SENP8: variants seen among roughly 807,000 people sequenced by gnomAD.
SENP8 encodes sentrin-specific protease 8.
In SENP8, 10 loss-of-function variants were observed where a neutral mutation model predicts 14.4. The ratio of observed to expected loss-of-function variants is 0.69; its 90% CI spans 0.43 to 1.18. SENP8 has a LOEUF of 1.18. SENP8 is among the 50% of genes most tolerant of loss of function. SENP8 has a pLI of 0.00. For missense variants in SENP8, 202 were observed against 249.4 expected, an observed-to-expected ratio of 0.81 and a Z score of 1.28; for synonymous variants, 94 against 95.5, an observed-to-expected ratio of 0.98 and a Z score of 0.09.
Position 72,139,671 on chromosome 15 carries a change from A to G in SENP8, c.48A>G (p.Ser16=). ...LSYMDSLLRQ[S]DVSLLDPPSW... is the part of the protein sequence containing the mutation. ...ACATGGACAGTCTACTGCGGCAATC[A>G]GATGTCTCACTATTGGATCCGCCAA... The change falls in exon 2 of 2, where the codon TCA becomes TCG. Residue 16 remains serine (S), a synonymous_variant. Transcript: ENST00000340912. 6.2e-7 allele frequency: 1 copy of G among 1,614,208 alleles called. No homozygotes were observed. Among genetic ancestry groups the G allele is most frequent in the South Asian group, 1.1e-5 (1 of 91,086 alleles).
chr15:72,126,794 C>T (rs2081225018), intron 1 of SENP8, among the ~76,000 whole-genome samples: 1 of 152,166 alleles, frequency 6.6e-6, no homozygotes, highest in African/African-American at 2.4e-5. Flanking sequence ...CAGACTCTCT[C>T]ATTGATTTGT....
intron 1 of SENP8, among the ~76,000 whole-genome samples, chr15:72,130,251 C>G (rs2081260354): frequency 6.6e-6 from 1 of 152,166 alleles, no homozygotes; most frequent in South Asian, 2.1e-4. Flanking sequence ...TAATAAATGT[C>G]CCCAGTGCTT....
At position 72,125,664 on chromosome 15, in the gene SENP8, G is replaced by A. The variant is rs150778821; in HGVS notation, c.-48+7200G>A. On this transcript the variant is annotated intron_variant, in intron 1 of 1. Transcript: ENST00000340912. ...CTCCAAAAAAAAGAAAGACTATTTC[G>A]TGGTTAAATAAGTTTGGGAAAAGAT... 2.0e-4 allele frequency among the ~76,000 whole-genome samples: 30 copies of A among 151,958 alleles called. No individual in the cohort carries two copies. In the East Asian group the frequency reaches 5.2e-3, roughly 26 times the overall value.
chr15:72,140,461 G>A lies in SENP8; in HGVS notation c.*199G>A, dbSNP rs1465387539. 3 of 563,020 alleles carry A rather than the reference G, an allele frequency of 5.3e-6. No individual in the cohort carries two copies. In the African/African-American group the frequency reaches 5.7e-5, roughly 11 times the overall value. The allele number at this position is 563,020 out of a possible 1,614,324, so 34.9% of individuals were successfully genotyped here. The stretch of plus-strand genomic sequence containing the variant: ...CCCTGACTGGGGAGCAATATGTTCT[G>A]TGAAAATATCTTGAAATTGTACACC... On this transcript the variant is annotated 3_prime_UTR_variant, in exon 2 of 2. Coordinates refer to ENST00000340912, the MANE Select transcript of SENP8 (RefSeq NM_145204.4).
At chr15:72,131,532 A>T (rs925711175) in intron 1 of SENP8, among the ~76,000 whole-genome samples, 17 of 152,224 alleles carry the variant, frequency 1.1e-4, no homozygotes, top group African/African-American at 4.1e-4. Flanking sequence ...TATAACAAAT[A>T]TTCAAGTAGT....
chr15:72,131,728 C>A (rs1005593119), intron 1 of SENP8, among the ~76,000 whole-genome samples: 2 of 152,204 alleles, frequency 1.3e-5, no homozygotes, highest in Admixed American at 1.3e-4. Flanking sequence ...ACATTAACAT[C>A]ATTGCTTCAC....
intron 1 of SENP8, among the ~76,000 whole-genome samples, chr15:72,120,646 G>GA (rs1434649098): frequency 6.6e-6 from 1 of 152,160 alleles, no homozygotes; most frequent in African/African-American, 2.4e-5. Flanking sequence ...TAATATAAAG[G>GA]AAACTAATTT....
At chr15:72,129,534 G>GT (rs1185814726) in intron 1 of SENP8, among the ~76,000 whole-genome samples, 17 of 136,026 alleles carry the variant, frequency 1.2e-4, no homozygotes, top group Non-Finnish European at 1.9e-4. Context: ...GGCTAATTTT[G>GT]TATTTTTTTT....
Position 72,135,034 on chromosome 15 carries a change from T to A in SENP8, c.-47-4543T>A, listed in dbSNP as rs141691121. On this transcript the variant is annotated intron_variant, in intron 1 of 1. Transcript: ENST00000340912. ...GGTTCACCCTGAAGCACCAGCCTGC[T>A]CCACCCAGAGAAGCACACTTTTTTG... is the stretch of plus-strand genomic sequence containing the variant. 3.6e-4 allele frequency: 122 copies of A among 340,672 alleles called. 1 individual carries two copies. The East Asian group carries it at 0.011, about 32-fold the overall frequency. The allele number at this position is 340,672 out of a possible 1,614,324, so 21.1% of individuals were successfully genotyped here.
intron 1 of SENP8, chr15:72,134,732 TGC>T (rs1468609059): frequency 4.4e-6 from 1 of 228,768 alleles, no homozygotes; most frequent in Non-Finnish European, 9.0e-6. Context: ...GCCATGTATA[TGC>T]GAATCTATAA....
chr15:72,126,860 A>G (rs1037653738), intron 1 of SENP8, among the ~76,000 whole-genome samples: 2 of 152,098 alleles, frequency 1.3e-5, no homozygotes, highest in African/African-American at 4.8e-5. Flanking sequence ...TTTTTATGCT[A>G]TTGATTTATC....
Position 72,140,203 on chromosome 15 carries a change from TA to T in SENP8, c.581del (p.Tyr194SerfsTer22). 6.2e-7 allele frequency: 1 copy of T among 1,614,154 alleles called. No homozygotes were observed. The highest frequency in any genetic ancestry group is 8.5e-7 in the Non-Finnish European group (1 of 1,180,006). On this transcript the variant is annotated frameshift_variant, in exon 2 of 2. Transcript: ENST00000340912. LOFTEE classifies it high-confidence loss of function. Reference protein sequence around the residue: ...ESLLQLLTPAYITKKRGEWKD... With the variant: ...ESLLQLLTPAXITKKRGEWKD... ...ACTGCTGCAGCTACTCACCCCTGCA[TA>T]CATCACAAAGAAGAGGGGAGAATGG... is the stretch of plus-strand genomic sequence containing the variant.
At chr15:72,117,761 C>A (rs1187099438), upstream of SENP8, 3 of 397,862 alleles carry the variant, frequency 7.5e-6, no homozygotes, top group Non-Finnish European at 1.3e-5. Context: ...AGGGTAGGAC[C>A]GGAGATGGCA....
chr15:72,125,970 T>C (rs2081214806), intron 1 of SENP8, among the ~76,000 whole-genome samples: 1 of 152,020 alleles, frequency 6.6e-6, no homozygotes, highest in Non-Finnish European at 1.5e-5. Context: ...ATTACAAGTA[T>C]GCACTACCAT....
intron 1 of SENP8, among the ~76,000 whole-genome samples, chr15:72,131,182 C>A (rs1193075807): frequency 6.6e-6 from 1 of 152,102 alleles, no homozygotes; most frequent in Non-Finnish European, 1.5e-5. Context: ...CCAGCATGGG[C>A]GACACAGCAA....
intron 1 of SENP8, among the ~76,000 whole-genome samples, chr15:72,127,104 G>A (rs1052125498): frequency 2.0e-5 from 3 of 152,144 alleles, no homozygotes; most frequent in African/African-American, 7.2e-5. Flanking sequence ...TATTTATTGA[G>A]TACCTGCCTG....
At chr15:72,116,640 T>C (rs1416738666), upstream of SENP8, among the ~76,000 whole-genome samples, 1 of 152,146 alleles carries the variant, frequency 6.6e-6, no homozygotes, top group African/African-American at 2.4e-5. Context: ...CCAAAAAAAG[T>C]CCCCTAGTAT....
At chr15:72,127,891 T>G (rs1384044819) in intron 1 of SENP8, among the ~76,000 whole-genome samples, 1 of 152,132 alleles carries the variant, frequency 6.6e-6, no homozygotes, top group Non-Finnish European at 1.5e-5. Flanking sequence ...AACTCTGGGA[T>G]GAGCCTGGGC....
chr15:72,117,673 G>C (rs1311193940), upstream of SENP8: 1 of 396,384 alleles, frequency 2.5e-6, no homozygotes, highest in Admixed American at 4.4e-5. Flanking sequence ...GCTTGGGCGG[G>C]TCTTACCTCG....
Sources: gnomAD v4.1 joint callset for allele counts (sites outside exome capture counted in the v4.1 genomes callset) on GRCh38, gnomAD v4.1.1 for gene constraint, MANE v1.5 for transcripts, NCBI Gene and HGNC (gene_info 2026-07-23, HGNC 2026-07-21) for gene names.